Variants in TAF4 observed in about 807,000 individuals in gnomAD.
The protein encoded by TAF4 is TATA-box binding protein associated factor 4.
In TAF4, 9 loss-of-function variants were observed where a neutral mutation model predicts 90.3. The ratio of observed to expected loss-of-function variants is 0.10; its 90% confidence interval spans 0.06 to 0.17. The LOEUF is 0.17. TAF4 is among the 10% of genes least tolerant of loss of function. The pLI is 1.00. For missense variants in TAF4, 1,351 were observed against 1,370.7 expected, an observed-to-expected ratio of 0.99 and a Z score of 0.23; for synonymous variants, 818 against 638.9, an observed-to-expected ratio of 1.28 and a Z score of -4.23.
In TAF4 at chr20:62,006,600, GGCC is replaced by G. The variant is rs1270173613; in HGVS notation, c.2130_2132del (p.Ala711del). 6.2e-7 allele frequency: 1 copy of G among 1,600,042 alleles called. No individual in the cohort carries two copies. The highest frequency in any genetic ancestry group is 1.1e-5 in the South Asian group (1 of 89,760). Reference sequence around the variant, plus strand: ...GGGGCTGGAGGGCACTGGTCACGGTGGCCGCCGTCTTCCCGGCCGTGCGCTGGA... The same window carrying G: ...GGGGCTGGAGGGCACTGGTCACGGTGGCCGTCTTCCCGGCCGTGCGCTGGA... On this transcript the variant is annotated inframe_deletion, in exon 7 of 15. Coordinates refer to ENST00000252996, the MANE Select transcript of TAF4 (RefSeq NM_003185.4). This position sits in a 1 kb window ranked among gnomAD's most constrained non-coding sequence, Gnocchi z 7.0.
chr20:62,059,603 A>G (rs2145522831), intron 1 of TAF4, among the ~76,000 whole-genome samples: 1 of 152,314 alleles, frequency 6.6e-6, no homozygotes, highest in African/African-American at 2.4e-5. Flanking sequence ...CCTGCAGCCA[A>G]AAGCCCCCTT....
At chr20:62,063,624 G>A (rs1350967240) in intron 1 of TAF4, among the ~76,000 whole-genome samples, 1 of 151,970 alleles carries the variant, frequency 6.6e-6, no homozygotes, top group Non-Finnish European at 1.5e-5. Context: ...GTATCGCCCC[G>A]AGACCCCTGC....
chr20:62,014,792 A>G (rs2055803677), intron 1 of TAF4, 85 bp from the exon 2 acceptor site: 1 of 1,531,820 alleles, frequency 6.5e-7, no homozygotes, highest in Non-Finnish European at 8.7e-7. Context: ...GGAAGCTGAC[A>G]GCTGTGAGAA....
intron 14 of TAF4, among the ~76,000 whole-genome samples, chr20:61,986,663 A>C (rs1414986486): frequency 6.6e-6 from 1 of 152,272 alleles, no homozygotes; most frequent in Non-Finnish European, 1.5e-5. Flanking sequence ...AAGGACATGG[A>C]ACTAACCTGA....
rs758567684 is a variant in TAF4 at position 62,000,244 on chromosome 20, A to G, written c.2667T>C (p.His889=). The G allele has an allele frequency of 2.5e-6, 4 of 1,613,484 alleles. No homozygotes were observed. The highest frequency in any genetic ancestry group is 2.7e-5 in the African/African-American group (2 of 74,902). Residue 889 remains histidine (H), a synonymous_variant, in exon 11 of 15, where the codon CAT becomes CAC. Coordinates refer to ENST00000252996, the MANE Select transcript of TAF4 (RefSeq NM_003185.4). ...CATCTGGATGTAATTCCGTTATACC[A>G]TGTTTTTTACCTAAAGGTCAGGCAA... ...QRRILEIGKK[H]GITELHPDVV...
rs2056122627 is a variant in TAF4 at position 62,065,285 on chromosome 20, G to T, written c.526C>A (p.Pro176Thr). The change falls in exon 1 of 15, where the codon CCC (proline) becomes ACC (threonine). Residue 176 changes from proline to threonine, a missense_variant. This residue lies in a region of TAF4 where 782 missense variants were observed against 536.6 expected (regional missense o/e 1.46). Transcript: ENST00000252996. ...LAARAGPGPG[P>T]GPGPGPGPGP... ...GGGCCGGGGCCGGGGCCGGGGCCGG[G>T]CCCGGGGCCGGGGCCGGCGCGGGCG... 3.3e-6 allele frequency: 3 copies of T among 908,412 alleles called. No homozygotes were observed. Among genetic ancestry groups the T allele is most frequent in the Non-Finnish European group, 3.9e-6 (3 of 769,278 alleles). The allele number at this position is 908,412 out of a possible 1,614,324, so 56.3% of individuals were successfully genotyped here.
chr20:61,989,173 C>G (rs1449884602), intron 14 of TAF4, among the ~76,000 whole-genome samples: 1 of 152,056 alleles, frequency 6.6e-6, no homozygotes, highest in Non-Finnish European at 1.5e-5. Context: ...GGGCGCACAC[C>G]ACACACTCCC....
chr20:61,991,388 C>T (rs1207821193), intron 14 of TAF4, among the ~76,000 whole-genome samples: 1 of 151,796 alleles, frequency 6.6e-6, no homozygotes, highest in South Asian at 2.1e-4. Context: ...AGAGCCACTG[C>T]ACTCCAGCCT....
chr20:61,997,814 T>C (rs1214043227), intron 13 of TAF4, 145 bp from the exon 14 acceptor site: 16 of 1,098,050 alleles, frequency 1.5e-5, no homozygotes, highest in Non-Finnish European at 1.7e-5. Flanking sequence ...ATAGTAAGCA[T>C]ATTCTATAAT....
At chr20:62,021,554 AGGGCTGCGTGGGCTGGGCCG>A (rs2123161936) in intron 1 of TAF4, among the ~76,000 whole-genome samples, 1 of 152,372 alleles carries the variant, frequency 6.6e-6, no homozygotes, top group Admixed American at 6.5e-5. Context: ...GGAGTCGGCC[AGGGCTGCGTGGGCTGGGCCG>A]GGGCTCTGCG....
Position 62,012,856 on chromosome 20 carries a change from C to A in TAF4, c.1600G>T (p.Val534Leu). 6 of 1,614,150 alleles carry A rather than the reference C, an allele frequency of 3.7e-6. No individual in the cohort carries two copies. The South Asian group carries it at 5.5e-5, about 15-fold the overall frequency. The change falls in exon 3 of 15, where the codon GTG becomes TTG. Residue 534 changes from valine to leucine, a missense_variant. Val to Leu is a conservative substitution (Grantham distance 32). Around this residue, in one of 9 missense-constraint regions of TAF4, gnomAD observed 143 missense variants for 176.3 expected, o/e 0.81. Transcript: ENST00000252996. The stretch of plus-strand genomic sequence containing the variant: ...CGCTGCAGGGTTGCACTGGGCTGCA[C>A]CGTTGTCTGGGCCTGAGACACTTGC... Reference protein sequence around the residue: ...IKQVSQAQTTVQPSATLQRSP... With the variant: ...IKQVSQAQTTLQPSATLQRSP...
At chr20:61,986,873 A>C (rs2055596014) in intron 14 of TAF4, among the ~76,000 whole-genome samples, 1 of 152,244 alleles carries the variant, frequency 6.6e-6, no homozygotes, top group Non-Finnish European at 1.5e-5. Flanking sequence ...ACAGAAAGAC[A>C]GAAATAGAAA....
chr20:62,039,479 C>G (rs901689377), intron 1 of TAF4, among the ~76,000 whole-genome samples: 1 of 152,160 alleles, frequency 6.6e-6, no homozygotes, highest in African/African-American at 2.4e-5. Flanking sequence ...CATAAGCATT[C>G]TAGAAAACTC....
intron 14 of TAF4, among the ~76,000 whole-genome samples, chr20:61,991,505 G>GGGA (rs1414822383): frequency 6.6e-6 from 1 of 151,862 alleles, no homozygotes; most frequent in African/African-American, 2.4e-5. Context: ...AGGCCAATGT[G>GGGA]GGAGGACTGC....
intron 9 of TAF4, 44 bp downstream of exon 9, chr20:62,003,116 C>T (rs761969493): frequency 1.7e-5 from 26 of 1,550,810 alleles, no homozygotes; most frequent in African/African-American, 1.1e-4. Context: ...GACTCTTCTC[C>T]GCTCTGGCCA....
intron 14 of TAF4, among the ~76,000 whole-genome samples, chr20:61,995,634 C>T (rs1424225567): frequency 2.0e-4 from 3 of 14,938 alleles, no homozygotes; most frequent in African/African-American, 5.0e-4. Flanking sequence ...GAGGCCGAGG[C>T]GGGTGGATCA....
chr20:62,062,974 A>C (rs914978845), intron 1 of TAF4, among the ~76,000 whole-genome samples: 13 of 152,352 alleles, frequency 8.5e-5, no homozygotes, highest in Admixed American at 7.8e-4. Flanking sequence ...ACAGCCATCA[A>C]ACATCTTTTT....
At position 61,999,129 on chromosome 20, in the gene TAF4, C is replaced by CA. The variant is rs756974548; in HGVS notation, c.2788-22_2788-21insT. ...TCATCCTATGAAGAAAGTTAAAATA[C>CA]TGCTTGTCATAAATCTGAGAGCCCA... On this transcript the variant is annotated intron_variant, in intron 11 of 14. Coordinates refer to ENST00000252996, the MANE Select transcript of TAF4 (RefSeq NM_003185.4). 5.6e-6 allele frequency: 9 copies of CA among 1,612,800 alleles called. No individual in the cohort carries two copies. In the East Asian group the frequency reaches 2.0e-4, roughly 36 times the overall value.
intron 1 of TAF4, among the ~76,000 whole-genome samples, chr20:62,017,104 A>G (rs2055816187): frequency 6.6e-6 from 1 of 151,654 alleles, no homozygotes; most frequent in Non-Finnish European, 1.5e-5. Context: ...TCGCATCATC[A>G]CACTCCAGCC....
Sources: gnomAD v4.1 joint callset for allele counts (sites outside exome capture counted in the v4.1 genomes callset) on GRCh38, gnomAD v4.1.1 for gene constraint, gnomAD v4.1.1 regional missense constraint, Gnocchi (gnomAD v3.1) non-coding constraint, MANE v1.5 for transcripts, NCBI Gene and HGNC (gene_info 2026-07-23, HGNC 2026-07-21) for gene names.